The following EPB41L4B variants were observed in gnomAD, a reference collection of about 807,000 sequenced individuals.
The protein encoded by EPB41L4B is erythrocyte membrane protein band 4.1 like 4B.
EPB41L4B carries 30 observed loss-of-function variants against 112.5 expected under a neutral mutation model. The observed-to-expected ratio is 0.27, with a 90% CI of 0.20 to 0.36. The LOEUF (loss-of-function observed/expected upper bound fraction) is 0.36, where lower values mean the gene tolerates loss of function less well. EPB41L4B is among the 10% of genes least tolerant of loss of function. The pLI is 1.00. For synonymous variants in EPB41L4B, 408 were observed against 439.7 expected, an observed-to-expected ratio of 0.93 and a Z score of 0.90; for missense variants, 1,024 against 1,133.3, an observed-to-expected ratio of 0.90 and a Z score of 1.38.
At position 109,309,755 on chromosome 9, in the gene EPB41L4B, C is replaced by G. The variant is rs201956460; in HGVS notation, c.306+10386G>C. 7.9e-3 allele frequency among the ~76,000 whole-genome samples: 1,117 copies of G among 142,212 alleles called. 17 individuals are homozygous for G. Among genetic ancestry groups the G allele is most frequent in the African/African-American group, 0.025 (951 of 37,854 alleles). 93.3% of individuals were successfully genotyped at this position (142,212 alleles called of 152,430 possible). On this transcript the variant is annotated intron_variant, in intron 1 of 25. Transcript: ENST00000374566. The stretch of plus-strand genomic sequence containing the variant: ...TCTCTATTATTAAGAAATACACACA[C>G]AGAGAGAGAGAGAGAGAGAGAGAGA...
intron 1 of EPB41L4B, among the ~76,000 whole-genome samples, chr9:109,316,604 G>A (rs1300140386): frequency 1.3e-5 from 2 of 152,186 alleles, no homozygotes; most frequent in Admixed American, 1.3e-4. Flanking sequence ...AGGTGCTGTC[G>A]AAGGCAGGGC....
At chr9:109,303,492 C>G (rs1837057679) in intron 1 of EPB41L4B, among the ~76,000 whole-genome samples, 1 of 151,850 alleles carries the variant, frequency 6.6e-6, no homozygotes, top group Admixed American at 6.6e-5. Context: ...ATTACAGGTG[C>G]ACGCCATCGC....
intron 15 of EPB41L4B, among the ~76,000 whole-genome samples, chr9:109,221,817 G>T (rs1054359862): frequency 6.6e-6 from 1 of 152,222 alleles, no homozygotes; most frequent in African/African-American, 2.4e-5. Context: ...TACATTCAGG[G>T]CTGGAGGTGG....
intron 2 of EPB41L4B, among the ~76,000 whole-genome samples, chr9:109,279,035 C>A (rs1391540311): frequency 6.6e-6 from 1 of 152,270 alleles, no homozygotes; most frequent in East Asian, 1.9e-4. Context: ...GCAAGACCTG[C>A]TCCAACCCCA....
At chr9:109,279,508 C>G (rs534629263) in intron 2 of EPB41L4B, among the ~76,000 whole-genome samples, 2 of 152,184 alleles carry the variant, frequency 1.3e-5, no homozygotes, top group East Asian at 3.9e-4. Flanking sequence ...CGAGCCACTG[C>G]CCCCAGCCTG....
At chr9:109,278,158 G>A (rs10759336) in intron 2 of EPB41L4B, among the ~76,000 whole-genome samples, 141,674 of 152,076 alleles carry the variant, frequency 0.93, 66,160 homozygotes, top group East Asian at 1. Flanking sequence ...GTGGAAAGAG[G>A]AAAAGTTGTT....
chr9:109,174,920 T>G (rs1026681587), intron 25 of EPB41L4B, among the ~76,000 whole-genome samples: 3 of 141,520 alleles, frequency 2.1e-5, no homozygotes, highest in East Asian at 4.0e-4. Context: ...GTGTTTTTTT[T>G]TTTTTTTTTT....
At chr9:109,207,372 C>T (rs1833021714) in intron 18 of EPB41L4B, among the ~76,000 whole-genome samples, 1 of 152,010 alleles carries the variant, frequency 6.6e-6, no homozygotes, top group South Asian at 2.1e-4. Flanking sequence ...GAGTTCGAGA[C>T]CAGCCTGGCC....
chr9:109,275,072 T>C (rs1160894509), intron 2 of EPB41L4B, among the ~76,000 whole-genome samples: 1 of 152,200 alleles, frequency 6.6e-6, no homozygotes, highest in Non-Finnish European at 1.5e-5. Context: ...CTGGATGGCC[T>C]CCTGTTTTGA....
At position 109,243,699 on chromosome 9, in the gene EPB41L4B, A is replaced by G; in HGVS notation, c.1345-17T>C. 1 of 1,612,870 alleles carries G rather than the reference A, an allele frequency of 6.2e-7. No homozygotes were observed. Among genetic ancestry groups the G allele is most frequent in the Non-Finnish European group, 8.5e-7 (1 of 1,178,844 alleles). ...ATATTGAGGCTAGAAATAAAACACC[A>G]AACTTGATTATTTGATGACCTTTTA... On this transcript the variant is annotated splice_polypyrimidine_tract_variant and intron_variant, in intron 14 of 25. Transcript: ENST00000374566.
chr9:109,197,992 T>A (rs1832703137), intron 20 of EPB41L4B, among the ~76,000 whole-genome samples: 1 of 152,160 alleles, frequency 6.6e-6, no homozygotes, highest in Admixed American at 6.5e-5. Context: ...TCTGCCAGTC[T>A]TATCCTCGAG....
At chr9:109,197,815 G>C (rs539279682) in intron 20 of EPB41L4B, among the ~76,000 whole-genome samples, 2 of 86,804 alleles carry the variant, frequency 2.3e-5, no homozygotes, top group South Asian at 6.9e-4. Context: ...GTGAGACTCT[G>C]TATCAAAAAA....
At chr9:109,304,355 A>C (rs529558597) in intron 1 of EPB41L4B, among the ~76,000 whole-genome samples, 23 of 152,276 alleles carry the variant, frequency 1.5e-4, no homozygotes, top group Non-Finnish European at 2.6e-4. Context: ...CATTTGAGGG[A>C]AATTCACAGC....
chr9:109,279,708 G>C, intron 2 of EPB41L4B, 109 bp downstream of exon 2: 1 of 908,592 alleles, frequency 1.1e-6, no homozygotes, highest in Non-Finnish European at 1.7e-6. Flanking sequence ...TACTGGCACA[G>C]TATCACAGTT....
chr9:109,306,061 G>C (rs1233597447), intron 1 of EPB41L4B, among the ~76,000 whole-genome samples: 1 of 152,220 alleles, frequency 6.6e-6, no homozygotes, highest in Non-Finnish European at 1.5e-5. Context: ...AAGTGGACTT[G>C]AACAGCCTGG....
intron 20 of EPB41L4B, among the ~76,000 whole-genome samples, chr9:109,198,131 G>C (rs1165642383): frequency 6.6e-6 from 1 of 151,998 alleles, no homozygotes; most frequent in African/African-American, 2.4e-5. Context: ...ATATGAGGTG[G>C]GATATATCTC....
intron 7 of EPB41L4B, 35 bp downstream of exon 7, chr9:109,258,142 A>G: frequency 4.4e-6 from 7 of 1,593,234 alleles, no homozygotes; most frequent in Non-Finnish European, 6.0e-6. Context: ...GACAAAATAG[A>G]TACATCAGAA....
chr9:109,276,310 A>AAG (rs1554758784), intron 2 of EPB41L4B, among the ~76,000 whole-genome samples: 1 of 150,070 alleles, frequency 6.7e-6, no homozygotes, highest in Admixed American at 6.7e-5. Context: ...ATGAAGGGTG[A>AAG]GGGGGGGGTC....
rs78101306 is a variant in EPB41L4B, at chr9:109,269,037, C to A, written c.412-604G>T. On this transcript the variant is annotated intron_variant, in intron 2 of 25. Transcript: ENST00000374566. ...CTTAACCAATTGATCAGCAGAATCA[C>A]CAACTGCCTTTTCCTTCTGAGTTTC... 3.2e-3 allele frequency among the ~76,000 whole-genome samples: 486 copies of A among 152,250 alleles called. 2 individuals carry two copies. Among genetic ancestry groups the A allele is most frequent in the African/African-American group, 0.011 (461 of 41,538 alleles).
Sources: gnomAD v4.1 joint callset for allele counts (sites outside exome capture counted in the v4.1 genomes callset) on GRCh38, gnomAD v4.1.1 for gene constraint, MANE v1.5 for transcripts, NCBI Gene and HGNC (gene_info 2026-07-23, HGNC 2026-07-21) for gene names.